Variants in SLC39A14 observed in about 807,000 individuals in gnomAD.
The protein encoded by SLC39A14 is solute carrier family 39 member 14, also known as metal cation symporter ZIP14.
SLC39A14 carries 19 observed loss-of-function variants against 45.5 expected under a neutral mutation model. The observed-to-expected ratio is 0.42, with a 90% CI of 0.29 to 0.61. The LOEUF is 0.61. Ranked by LOEUF, SLC39A14 falls within the 20% of genes least tolerant of loss-of-function variation. SLC39A14 has a pLI of 0.22. For missense variants in SLC39A14, 447 were observed against 616.5 expected (o/e 0.73, Z 2.91); for synonymous variants, 264 against 251.3 (o/e 1.05, Z -0.48).
chr8:22,404,768 G>A lies in SLC39A14; in HGVS notation c.58G>A (p.Gly20Ser), dbSNP rs183988980. 6 of 1,613,874 alleles carry A rather than the reference G, an allele frequency of 3.7e-6. No individual in the cohort carries two copies. Among genetic ancestry groups the A allele is most frequent in the Non-Finnish European group, 4.2e-6 (5 of 1,179,898 alleles). Reference sequence around the variant, plus strand: ...GAGCTGCCTCCTGCTGACCCTGCTTGGCTTATGGAGAACCACCCCTGAGGC... The same window carrying A: ...GAGCTGCCTCCTGCTGACCCTGCTTAGCTTATGGAGAACCACCCCTGAGGC... Reference protein sequence around the residue: ...FQSCLLLTLLGLWRTTPEAHA... With the variant: ...FQSCLLLTLLSLWRTTPEAHA... The change falls in exon 2 of 9, where the codon GGC becomes AGC. Residue 20 changes from glycine (G) to serine (S), a missense_variant. This residue lies in a region of SLC39A14 where 342 missense variants were observed against 428.1 expected (regional missense o/e 0.80). Coordinates refer to ENST00000381237, the MANE Select transcript of SLC39A14 (RefSeq NM_001128431.4).
chr8:22,408,168 C>T lies in SLC39A14; in HGVS notation c.271-142C>T, dbSNP rs565317662. The T allele has an allele frequency of 4.2e-6, 3 of 707,786 alleles. No homozygotes were observed. In the South Asian group the frequency reaches 6.0e-5, roughly 14 times the overall value. The allele number at this position is 707,786 out of a possible 1,614,324, so 43.8% of individuals were successfully genotyped here. On this transcript the variant is annotated intron_variant, in intron 2 of 8. Transcript: ENST00000381237. ...GGAATACCTTGCCCTCATCCCTAGA[C>T]TAGATGAATCTACAAATTCCCTGAA...
chr8:22,380,345 A>C (rs1248365375), intron 1 of SLC39A14, among the ~76,000 whole-genome samples: 1 of 152,186 alleles, frequency 6.6e-6, no homozygotes, highest in African/African-American at 2.4e-5. Flanking sequence ...AGCTTAAGTG[A>C]TTGCAGAGTG....
chr8:22,369,681 C>T (rs1419154560), intron 1 of SLC39A14, among the ~76,000 whole-genome samples: 1 of 152,200 alleles, frequency 6.6e-6, no homozygotes, highest in East Asian at 1.9e-4. Flanking sequence ...AGGTGGGTCT[C>T]TGTTCAATTC....
downstream of SLC39A14, among the ~76,000 whole-genome samples, chr8:22,426,646 CA>C (rs1474692282): frequency 1.3e-5 from 2 of 152,126 alleles, no homozygotes; most frequent in Admixed American, 1.3e-4. Flanking sequence ...GGCTCCTGAA[CA>C]AGGAGTTTTT....
intron 1 of SLC39A14, among the ~76,000 whole-genome samples, chr8:22,392,452 C>A (rs1053729298): frequency 6.6e-6 from 1 of 152,070 alleles, no homozygotes; most frequent in African/African-American, 2.4e-5. Flanking sequence ...TTTATCTGAT[C>A]CCGAATAACA....
downstream of SLC39A14, among the ~76,000 whole-genome samples, chr8:22,426,134 C>G (rs374879792): frequency 6.6e-6 from 1 of 152,080 alleles, no homozygotes; most frequent in Admixed American, 6.6e-5. Flanking sequence ...TCAGGTGATC[C>G]GCCCACCCTG....
rs766947803 is a variant in SLC39A14 at position 22,416,102 on chromosome 8, C to T, written c.969C>T (p.Tyr323=). The change falls in exon 7 of 9, where the codon TAC becomes TAT. Residue 323 remains tyrosine (Y), a synonymous_variant. Transcript: ENST00000381237. The part of the protein sequence containing the change: ...QDLQASQSAC[Y]WLKGVRYSDI... ...TGCAGGCTTCCCAGAGTGCTTGCTA[C>T]TGGCTGAAAGGTGTCCGCTACTCTG... 34 of 1,614,040 alleles carry T rather than the reference C, an allele frequency of 2.1e-5. No homozygotes were observed. In the South Asian group the frequency reaches 3.6e-4, roughly 17 times the overall value.
intron 1 of SLC39A14, among the ~76,000 whole-genome samples, chr8:22,381,361 C>T (rs1384215758): frequency 1.3e-5 from 2 of 152,066 alleles, no homozygotes; most frequent in Admixed American, 6.5e-5. Flanking sequence ...AGCTCCGCCT[C>T]CCGGGTTCAC....
chr8:22,384,203 A>T (rs1458037923), intron 1 of SLC39A14, among the ~76,000 whole-genome samples: 1 of 152,082 alleles, frequency 6.6e-6, no homozygotes, highest in Non-Finnish European at 1.5e-5. Flanking sequence ...GCATTTCAGG[A>T]TGTGTGTGAT....
intron 1 of SLC39A14, among the ~76,000 whole-genome samples, chr8:22,384,077 G>C (rs1563499765): frequency 6.6e-6 from 1 of 152,172 alleles, no homozygotes; most frequent in Non-Finnish European, 1.5e-5. Flanking sequence ...TCCCACGGCA[G>C]AAGCCTTGGC....
chr8:22,385,182 GA>G (rs1346287422), intron 1 of SLC39A14, among the ~76,000 whole-genome samples: 16 of 152,212 alleles, frequency 1.1e-4, no homozygotes, highest in Admixed American at 6.5e-5. Context: ...AACTGCAGGA[GA>G]GGGGGGTCCC....
At chr8:22,402,535 C>T (rs535024955) in intron 1 of SLC39A14, among the ~76,000 whole-genome samples, 9 of 152,188 alleles carry the variant, frequency 5.9e-5, no homozygotes, top group Admixed American at 1.3e-4. Flanking sequence ...TTGGGGAGCC[C>T]GAGGCAGGAG....
Position 22,420,489 on chromosome 8 carries a change from A to C in SLC39A14, c.*791A>C. The C allele has an allele frequency of 1.0e-6, 1 of 985,404 alleles. No homozygotes were observed. Among genetic ancestry groups the C allele is most frequent in the Non-Finnish European group, 1.2e-6 (1 of 829,956 alleles). 61.0% of individuals were successfully genotyped at this position (985,404 alleles called of 1,614,324 possible). ...AGGCTCAGGCTGTCTGCAAGAAAACAGTTGGTTTGGCTGTGATTTTGACCT... is the reference window on the plus strand; with the variant it reads ...AGGCTCAGGCTGTCTGCAAGAAAACCGTTGGTTTGGCTGTGATTTTGACCT... On this transcript the variant is annotated 3_prime_UTR_variant, in exon 9 of 9. Transcript: ENST00000381237.
chr8:22,415,464 A>G lies in SLC39A14; in HGVS notation c.751-305A>G, dbSNP rs1458903438. The G allele has an allele frequency of 9.9e-6, 3 of 303,090 alleles. 1 individual carries two copies. The highest frequency in any genetic ancestry group is 1.8e-5 in the Non-Finnish European group (3 of 163,002). The allele number at this position is 303,090 out of a possible 1,614,324, so 18.8% of individuals were successfully genotyped here. On this transcript the variant is annotated intron_variant, in intron 5 of 8. Coordinates refer to ENST00000381237, the MANE Select transcript of SLC39A14 (RefSeq NM_001128431.4). ...GGTCCTTCGCACTTGGTGCAGATTT[A>G]TATATATAGATATTAGAAACGGGGT...
intron 3 of SLC39A14, among the ~76,000 whole-genome samples, chr8:22,411,328 G>A (rs142749557): frequency 1.3e-3 from 193 of 152,278 alleles, no homozygotes; most frequent in Non-Finnish European, 2.4e-3. Flanking sequence ...TTGTGACAGG[G>A]TGTTCCTGGA....
intron 5 of SLC39A14, 176 bp from the exon 6 acceptor site, chr8:22,415,593 A>AC: frequency 1.7e-6 from 1 of 598,078 alleles, no homozygotes; most frequent in Non-Finnish European, 2.8e-6. Flanking sequence ...ACCGTGCCCG[A>AC]CCATGGCTTT....
intron 4 of SLC39A14, among the ~76,000 whole-genome samples, chr8:22,414,059 G>T (rs1356828275): frequency 6.6e-6 from 1 of 152,010 alleles, no homozygotes; most frequent in East Asian, 1.9e-4. Context: ...GAGCCACCGT[G>T]CCCGGCCAGG....
intron 1 of SLC39A14, among the ~76,000 whole-genome samples, chr8:22,398,005 G>GT: frequency 6.6e-6 from 1 of 152,130 alleles, no homozygotes; most frequent in East Asian, 1.9e-4. Context: ...TGTCCCTGAG[G>GT]AATATGTGAG....
intron 1 of SLC39A14, among the ~76,000 whole-genome samples, chr8:22,389,583 A>T (rs1833961187): frequency 6.6e-6 from 1 of 152,030 alleles, no homozygotes; most frequent in Admixed American, 6.6e-5. Context: ...ACTGCTGCAC[A>T]GGTGCTTGTC....
Sources: allele counts gnomAD v4.1 joint callset (sites outside exome capture counted in the v4.1 genomes callset), GRCh38; gene constraint gnomAD v4.1.1; regional missense constraint gnomAD v4.1.1; transcripts MANE v1.5; gene names NCBI Gene and HGNC (gene_info 2026-07-23, HGNC 2026-07-21).